Variants in PACRG observed in about 807,000 individuals in gnomAD.
PACRG encodes parkin coregulated gene protein.
PACRG carries 29 observed loss-of-function variants against 29.7 expected under a neutral mutation model. The observed-to-expected ratio is 0.98, with a 90% CI of 0.73 to 1.33. The LOEUF is 1.33. Among genes scored for constraint, PACRG ranks in the 40% most tolerant of loss-of-function variants. The pLI, the probability that PACRG is intolerant of heterozygous loss-of-function variation, is 0.00. For synonymous variants in PACRG, 116 were observed against 118.7 expected, an observed-to-expected ratio of 0.98 and a Z score of 0.15; for missense variants, 279 against 316.2, an observed-to-expected ratio of 0.88 and a Z score of 0.89.
chr6:162,818,772 A>G (rs1787574505), intron 2 of PACRG, among the ~76,000 whole-genome samples: 1 of 152,194 alleles, frequency 6.6e-6, no homozygotes, highest in African/African-American at 2.4e-5. Context: ...ACAGAATATG[A>G]CATGCACTAA....
intron 2 of PACRG, among the ~76,000 whole-genome samples, chr6:163,029,650 G>A (rs571286696): frequency 7.9e-5 from 12 of 152,280 alleles, no homozygotes; most frequent in South Asian, 4.1e-4. Flanking sequence ...GGAAAGTTTC[G>A]TCCCTTTTTT....
chr6:162,943,819 T>G (rs116555009), intron 2 of PACRG, among the ~76,000 whole-genome samples: 1,597 of 152,248 alleles, frequency 0.01, 21 homozygotes, highest in African/African-American at 0.029. Context: ...TGCTACCACC[T>G]GTGGGCCTGA....
chr6:162,997,222 C>T (rs1056573925), intron 2 of PACRG, among the ~76,000 whole-genome samples: 35 of 152,214 alleles, frequency 2.3e-4, no homozygotes, highest in Non-Finnish European at 3.5e-4. Context: ...TAGAGCAAAT[C>T]TACATAAGGC....
chr6:163,083,406 C>G (rs566238286), intron 3 of PACRG, among the ~76,000 whole-genome samples: 109 of 152,310 alleles, frequency 7.2e-4, no homozygotes, highest in Non-Finnish European at 1.3e-3. Context: ...TCCTGCCTTT[C>G]CAGACCAAAC....
chr6:162,883,458 T>G (rs1230902099), intron 2 of PACRG, among the ~76,000 whole-genome samples: 1 of 152,192 alleles, frequency 6.6e-6, no homozygotes, highest in Admixed American at 6.5e-5. Flanking sequence ...CCCCTTTCAT[T>G]CCTCTCATGG....
intron 4 of PACRG, among the ~76,000 whole-genome samples, chr6:163,285,598 A>G (rs1784372040): frequency 6.6e-6 from 1 of 152,182 alleles, no homozygotes; most frequent in South Asian, 2.1e-4. Flanking sequence ...TTGCCAGAGA[A>G]GCAATTAGGA....
chr6:162,932,824 C>G (rs1797949007), intron 2 of PACRG, among the ~76,000 whole-genome samples: 1 of 151,780 alleles, frequency 6.6e-6, no homozygotes, highest in Non-Finnish European at 1.5e-5. Flanking sequence ...AAAAAACAGC[C>G]TTTTACATCT....
At chr6:162,831,872 T>C (rs536082672) in intron 2 of PACRG, among the ~76,000 whole-genome samples, 224 of 152,342 alleles carry the variant, frequency 1.5e-3, no homozygotes, top group African/African-American at 5.1e-3. Flanking sequence ...TATTCCTTGG[T>C]ATATATGTAC....
rs535476441 is a variant in PACRG at position 162,739,018 on chromosome 6, C to A, written c.156+10627C>A. The stretch of plus-strand genomic sequence containing the variant: ...CTTGTGCATGAAGGCCAAAGTTCAC[C>A]AGATTTGGAATTGCTGAAAGATGAG... On this transcript the variant is annotated intron_variant, in intron 1 of 4. Coordinates refer to ENST00000366888, the MANE Select transcript of PACRG (RefSeq NM_001080379.2). 1.4e-4 allele frequency among the ~76,000 whole-genome samples: 22 copies of A among 152,250 alleles called. No individual in the cohort carries two copies. In the South Asian group the frequency reaches 4.6e-3, roughly 32 times the overall value.
chr6:162,812,963 A>G lies in PACRG; in HGVS notation c.157-1184A>G, dbSNP rs573763109. Among the ~76,000 whole-genome samples, 4 of 152,150 alleles carry G rather than the reference A, an allele frequency of 2.6e-5. No homozygotes were observed. In the South Asian group the frequency reaches 8.3e-4, roughly 32 times the overall value. On this transcript the variant is annotated intron_variant, in intron 1 of 4. Transcript: ENST00000366888. ...GTAGTGGAGTAAATTCTAAACTCTA[A>G]TAAATGTGTGTTACCTCACTCTTCA...
intron 4 of PACRG, among the ~76,000 whole-genome samples, chr6:163,223,526 A>G (rs1781668360): frequency 6.6e-6 from 1 of 152,224 alleles, no homozygotes; most frequent in African/African-American, 2.4e-5. Flanking sequence ...AAAGCAGAAG[A>G]AGGATGGAAG....
chr6:163,020,541 C>G (rs368616582), intron 2 of PACRG, among the ~76,000 whole-genome samples: 1 of 152,046 alleles, frequency 6.6e-6, no homozygotes. Flanking sequence ...GGACCCAGAC[C>G]GGTTTGAGCG....
intron 1 of PACRG, among the ~76,000 whole-genome samples, chr6:162,729,162 A>G (rs1029597265): frequency 6.6e-6 from 1 of 152,178 alleles, no homozygotes. Context: ...AAACCTTCCT[A>G]TTTGTTAAAT....
At chr6:163,264,482 C>T (rs1287676203) in intron 4 of PACRG, among the ~76,000 whole-genome samples, 2 of 152,202 alleles carry the variant, frequency 1.3e-5, no homozygotes, top group Non-Finnish European at 2.9e-5. Context: ...ACACTGTGTG[C>T]ACTCAGCCCA....
chr6:162,949,884 A>T (rs1212527473), intron 2 of PACRG, among the ~76,000 whole-genome samples: 3 of 152,140 alleles, frequency 2.0e-5, no homozygotes, highest in African/African-American at 7.2e-5. Flanking sequence ...CTTTTAACAG[A>T]TGCTGTCTGC....
At chr6:162,851,917 AAAG>A (rs1790893845) in intron 2 of PACRG, among the ~76,000 whole-genome samples, 1 of 151,426 alleles carries the variant, frequency 6.6e-6, no homozygotes, top group Non-Finnish European at 1.5e-5. Context: ...AAAAGAAAGA[AAAG>A]AGAAAAGAAA....
At chr6:162,846,049 G>T (rs1191510015) in intron 2 of PACRG, among the ~76,000 whole-genome samples, 2 of 152,160 alleles carry the variant, frequency 1.3e-5, no homozygotes, top group East Asian at 3.9e-4. Context: ...GGCAGACCTA[G>T]GTGCGGGTCT....
chr6:162,954,819 A>G (rs1799902577), intron 2 of PACRG, among the ~76,000 whole-genome samples: 4 of 152,158 alleles, frequency 2.6e-5, no homozygotes, highest in Admixed American at 2.0e-4. Flanking sequence ...CACTCTGTAC[A>G]TTGGTTCATA....
At chr6:162,914,755 GCA>G (rs1796589402) in intron 2 of PACRG, among the ~76,000 whole-genome samples, 4 of 151,578 alleles carry the variant, frequency 2.6e-5, no homozygotes, top group Admixed American at 2.6e-4. Context: ...ATTTTTTAGT[GCA>G]GAGTCATAAA....
Sources: gnomAD v4.1 joint callset for allele counts (sites outside exome capture counted in the v4.1 genomes callset) on GRCh38, gnomAD v4.1.1 for gene constraint, MANE v1.5 for transcripts, NCBI Gene and HGNC (gene_info 2026-07-23, HGNC 2026-07-21) for gene names.